INSYN2B: variants seen among roughly 807,000 people sequenced by gnomAD.
INSYN2B encodes inhibitory synaptic factor family member 2B, also known as protein INSYN2B.
INSYN2B carries 16 observed loss-of-function variants against 41.2 expected under a neutral mutation model. The ratio of observed to expected loss-of-function variants is 0.39; its 90% CI spans 0.26 to 0.59. The LOEUF (loss-of-function observed/expected upper bound fraction) is 0.59, where lower values mean the gene tolerates loss of function less well. Among genes scored for constraint, INSYN2B ranks in the 20% least tolerant of loss-of-function variants. The pLI, the probability that INSYN2B is intolerant of heterozygous loss-of-function variation, is 0.57. For synonymous variants in INSYN2B, 245 were observed against 244.4 expected, an observed-to-expected ratio of 1.00 and a Z score of -0.02; for missense variants, 608 against 646.4, an observed-to-expected ratio of 0.94 and a Z score of 0.64.
At chr5:169,897,706 C>T (rs904702879) in intron 1 of INSYN2B, among the ~76,000 whole-genome samples, 13 of 152,274 alleles carry the variant, frequency 8.5e-5, no homozygotes, top group African/African-American at 1.2e-4. Context: ...TGCCTTGTGA[C>T]GGGGTGAGCT....
At position 169,882,183 on chromosome 5, in the gene INSYN2B, A is replaced by T. The variant is rs550529006; in HGVS notation, c.1346+370T>A. 5.3e-5 allele frequency among the ~76,000 whole-genome samples: 8 copies of T among 152,316 alleles called. No individual in the cohort carries two copies. In the South Asian group the frequency reaches 1.5e-3, roughly 28 times the overall value. ...AACAGAAATACTGTACAAATGCAGT[A>T]GCTTGCTAAGAGGAGGGGGATGGGG... On this transcript the variant is annotated intron_variant, in intron 2 of 3. Transcript: ENST00000377365.
intron 1 of INSYN2B, among the ~76,000 whole-genome samples, chr5:169,921,168 G>A (rs1775154907): frequency 6.6e-6 from 1 of 152,188 alleles, no homozygotes. Context: ...AAAAGTGTCT[G>A]GATGGATAGG....
chr5:169,871,954 G>A (rs1226088301), intron 3 of INSYN2B, among the ~76,000 whole-genome samples: 2 of 152,204 alleles, frequency 1.3e-5, no homozygotes, highest in Admixed American at 1.3e-4. Flanking sequence ...TCTTGGGTCT[G>A]GTATAGCCTG....
intron 1 of INSYN2B, among the ~76,000 whole-genome samples, chr5:169,938,934 T>C (rs1318756756): frequency 2.0e-5 from 3 of 149,006 alleles, no homozygotes; most frequent in Non-Finnish European, 4.4e-5. Flanking sequence ...AATGGAGTCT[T>C]GCTCTGTCGC....
chr5:169,874,281 C>A (rs1022657091), intron 3 of INSYN2B, among the ~76,000 whole-genome samples: 1 of 151,790 alleles, frequency 6.6e-6, no homozygotes, highest in South Asian at 2.1e-4. Context: ...GGTGTGGTGG[C>A]GGGCACCTAT....
At position 169,882,629 on chromosome 5, in the gene INSYN2B, G is replaced by T. The variant is rs925137080; in HGVS notation, c.1270C>A (p.His424Asn). Residue 424 changes from histidine (H) to asparagine (N), a missense_variant, in exon 2 of 4, where the codon CAC (histidine) becomes AAC (asparagine). By Grantham distance (68) the His-to-Asn change is moderately conservative (BLOSUM62 1). Transcript: ENST00000377365. ...GRLQSVEESL[H>N]SNQEKIKVLL... Reference sequence around the variant, plus strand: ...ACTTTAATTTTCTCTTGGTTCGAGTGCAGAGATTCCTCCACAGATTGCAGT... The same window carrying T: ...ACTTTAATTTTCTCTTGGTTCGAGTTCAGAGATTCCTCCACAGATTGCAGT... The T allele has an allele frequency of 3.9e-6, 6 of 1,551,942 alleles. No individual in the cohort carries two copies. The highest frequency in any genetic ancestry group is 5.2e-6 in the Non-Finnish European group (6 of 1,146,990).
intron 2 of INSYN2B, among the ~76,000 whole-genome samples, chr5:169,881,692 A>G (rs1173534238): frequency 6.6e-6 from 1 of 152,162 alleles, no homozygotes; most frequent in Non-Finnish European, 1.5e-5. Flanking sequence ...TTGTGAGATG[A>G]GGGATTCTGC....
rs1457089736 is a variant in INSYN2B at position 169,863,642 on chromosome 5, C to G, written c.*631G>C. Among the ~76,000 whole-genome samples the G allele has an allele frequency of 6.6e-6, 1 of 152,186 alleles. No homozygotes were observed. The highest frequency in any genetic ancestry group is 1.5e-5 in the Non-Finnish European group (1 of 68,024). On this transcript the variant is annotated 3_prime_UTR_variant, in exon 4 of 4. Coordinates refer to ENST00000377365, the MANE Select transcript of INSYN2B (RefSeq NM_001129891.3). ...TGGGGTGGCCTGACTCTGCCACAGGCAGAAAGGTGCATGCACCATGAGATG... is the reference window on the plus strand; with the variant it reads ...TGGGGTGGCCTGACTCTGCCACAGGGAGAAAGGTGCATGCACCATGAGATG...
At chr5:169,978,384 T>G in intron 1 of INSYN2B, among the ~76,000 whole-genome samples, 1 of 20,386 alleles carries the variant, frequency 4.9e-5, no homozygotes, top group East Asian at 1.3e-3. Flanking sequence ...TATGTGTGTG[T>G]GTGTGTGTGG....
intron 1 of INSYN2B, among the ~76,000 whole-genome samples, chr5:169,935,034 G>A (rs1322635730): frequency 6.6e-6 from 1 of 152,180 alleles, no homozygotes; most frequent in African/African-American, 2.4e-5. Flanking sequence ...GGGAAGGCGG[G>A]AAAATTAATA....
intron 1 of INSYN2B, among the ~76,000 whole-genome samples, chr5:169,898,518 C>T (rs569124944): frequency 6.6e-6 from 1 of 150,988 alleles, no homozygotes; most frequent in African/African-American, 2.5e-5. Context: ...TACATGCACA[C>T]ACACACACAA....
intron 3 of INSYN2B, among the ~76,000 whole-genome samples, chr5:169,871,629 A>G (rs1771980459): frequency 1.3e-5 from 2 of 152,222 alleles, no homozygotes; most frequent in African/African-American, 4.8e-5. Context: ...AAGCTTCTAC[A>G]CTAAGATGCA....
chr5:169,925,605 AG>A (rs1561829040), intron 1 of INSYN2B, among the ~76,000 whole-genome samples: 21 of 148,764 alleles, frequency 1.4e-4, no homozygotes, highest in Admixed American at 1.0e-3. Flanking sequence ...AAAAAAAAAA[AG>A]CATTGTCCTG....
intron 1 of INSYN2B, among the ~76,000 whole-genome samples, chr5:169,935,777 C>T (rs938040673): frequency 2.2e-4 from 34 of 152,138 alleles, no homozygotes; most frequent in Admixed American, 9.2e-4. Context: ...GGAGAAAAAA[C>T]GCGTTGTGTA....
At chr5:169,960,022 G>T (rs1393291518) in intron 1 of INSYN2B, among the ~76,000 whole-genome samples, 1 of 152,202 alleles carries the variant, frequency 6.6e-6, no homozygotes, top group African/African-American at 2.4e-5. Context: ...GAGGCAGAGT[G>T]TCGGATCTCA....
intron 1 of INSYN2B, among the ~76,000 whole-genome samples, chr5:169,901,828 A>ATGGTG (rs1320149103): frequency 1.3e-5 from 2 of 152,244 alleles, no homozygotes; most frequent in Non-Finnish European, 2.9e-5. Context: ...GCCATGTGCT[A>ATGGTG]TGGTGTTACC....
chr5:169,917,566 A>T (rs781324214), intron 1 of INSYN2B, among the ~76,000 whole-genome samples: 18 of 152,210 alleles, frequency 1.2e-4, no homozygotes, highest in Non-Finnish European at 2.2e-4. Flanking sequence ...GGATAAAATG[A>T]AAATTGAATG....
intron 1 of INSYN2B, among the ~76,000 whole-genome samples, chr5:169,956,354 A>T (rs11740357): frequency 6.6e-6 from 1 of 152,034 alleles, no homozygotes; most frequent in Non-Finnish European, 1.5e-5. Flanking sequence ...AAGTGATACT[A>T]CTAACTTAAG....
At chr5:169,926,109 T>A (rs1775438746) in intron 1 of INSYN2B, among the ~76,000 whole-genome samples, 1 of 152,088 alleles carries the variant, frequency 6.6e-6, no homozygotes, top group Non-Finnish European at 1.5e-5. Flanking sequence ...TGGGATGCTG[T>A]GGGAAAACAT....
Sources: gnomAD v4.1 joint callset for allele counts (sites outside exome capture counted in the v4.1 genomes callset) on GRCh38, gnomAD v4.1.1 for gene constraint, MANE v1.5 for transcripts, NCBI Gene and HGNC (gene_info 2026-07-23, HGNC 2026-07-21) for gene names.